Variants in ADRA1A observed in about 807,000 individuals in gnomAD.
The protein encoded by ADRA1A is adrenoceptor alpha 1A, also known as alpha-1A adrenergic receptor.
In ADRA1A, 31 loss-of-function variants were observed where a neutral mutation model predicts 29.6. The ratio of observed to expected loss-of-function variants is 1.05; its 90% CI spans 0.79 to 1.41. ADRA1A has a LOEUF of 1.41. Ranked by LOEUF, ADRA1A falls within the 40% of genes most tolerant of loss-of-function variation. The pLI is 0.00. For missense variants in ADRA1A, 619 were observed against 601.1 expected (o/e 1.03, Z -0.31); for synonymous variants, 311 against 254.3 (o/e 1.22, Z -2.12).
chr8:26,749,208 G>A (rs530497779), intron 2 of ADRA1A, among the ~76,000 whole-genome samples: 1 of 152,134 alleles, frequency 6.6e-6, no homozygotes, highest in Non-Finnish European at 1.5e-5. Context: ...ACTTTCCAAA[G>A]GACAGGAGAC....
chr8:26,772,602 A>C (rs1806254418), intron 2 of ADRA1A, among the ~76,000 whole-genome samples: 2 of 152,274 alleles, frequency 1.3e-5, no homozygotes, highest in South Asian at 4.1e-4. Context: ...CTGTTGTTTC[A>C]AACCTAAGGT....
At chr8:26,757,921 C>T (rs1805282425) in intron 2 of ADRA1A, among the ~76,000 whole-genome samples, 1 of 152,140 alleles carries the variant, frequency 6.6e-6, no homozygotes, top group South Asian at 2.1e-4. Flanking sequence ...TAGCATCTTT[C>T]ATAGGACAAC....
intron 2 of ADRA1A, among the ~76,000 whole-genome samples, chr8:26,795,059 G>A (rs1808101928): frequency 6.6e-6 from 1 of 151,878 alleles, no homozygotes; most frequent in African/African-American, 2.4e-5. Flanking sequence ...CAATGATCAG[G>A]GCAGTTGCAA....
chr8:26,774,083 T>A (rs1806367468), intron 2 of ADRA1A, among the ~76,000 whole-genome samples: 2 of 152,252 alleles, frequency 1.3e-5, no homozygotes, highest in South Asian at 4.1e-4. Flanking sequence ...TTTTGGCTTA[T>A]GCTTCCAGAC....
At position 26,831,130 on chromosome 8, in the gene ADRA1A, C is replaced by A. The variant is rs942189446; in HGVS notation, c.883+32957G>T. On this transcript the variant is annotated intron_variant, in intron 2 of 2. Transcript: ENST00000380573. This position sits in a 1 kb window ranked among gnomAD's most constrained non-coding sequence, Gnocchi z 5.2. ...TGGAGCTGTAACCTAATCACATATCCTTGGCAGCAAAGGCAAGATCCCCTG... is the reference window on the plus strand; with the variant it reads ...TGGAGCTGTAACCTAATCACATATCATTGGCAGCAAAGGCAAGATCCCCTG... Among the ~76,000 whole-genome samples the A allele has an allele frequency of 6.6e-6, 1 of 152,138 alleles. No homozygotes were observed. Among genetic ancestry groups the A allele is most frequent in the African/African-American group, 2.4e-5 (1 of 41,418 alleles).
intron 2 of ADRA1A, among the ~76,000 whole-genome samples, chr8:26,759,800 A>G (rs536964764): frequency 6.6e-6 from 1 of 152,246 alleles, no homozygotes; most frequent in Non-Finnish European, 1.5e-5. Context: ...AAGATAAATC[A>G]ATAAGCCATT....
At chr8:26,855,753 A>G (rs536746574) in intron 2 of ADRA1A, among the ~76,000 whole-genome samples, 1 of 152,364 alleles carries the variant, frequency 6.6e-6, no homozygotes, top group Admixed American at 6.5e-5. Context: ...AAAAATAAGA[A>G]AAGAAAAGAA....
chr8:26,759,924 G>A (rs532610257), intron 2 of ADRA1A, among the ~76,000 whole-genome samples: 1 of 152,286 alleles, frequency 6.6e-6, no homozygotes, highest in Admixed American at 6.5e-5. Context: ...AGATTGGACT[G>A]AAGCTGGTGC....
chr8:26,794,646 T>C (rs1271917938), intron 2 of ADRA1A, among the ~76,000 whole-genome samples: 1 of 152,132 alleles, frequency 6.6e-6, no homozygotes, highest in Non-Finnish European at 1.5e-5. Context: ...TTGTTAAAAA[T>C]TATTTAAAAA....
rs1010182914 is a variant in ADRA1A, at chr8:26,768,813, C to T, written c.*1336G>A. ...AGAAAAGAGATACACAAGTTCTGTA[C>T]TGAGTTATTATGGTTTACCAAAATT... On this transcript the variant is annotated 3_prime_UTR_variant, in exon 3 of 3. Transcript: ENST00000380573. 6 of 756,578 alleles carry T rather than the reference C, an allele frequency of 7.9e-6. No individual in the cohort carries two copies. The highest frequency in any genetic ancestry group is 8.0e-6 in the Non-Finnish European group (5 of 621,776). 46.9% of individuals were successfully genotyped at this position (756,578 alleles called of 1,614,324 possible). A position where few individuals can be genotyped will look rare whatever the true frequency, so the allele number is the denominator to read the frequency against.
At chr8:26,812,888 G>A (rs552549917) in intron 2 of ADRA1A, among the ~76,000 whole-genome samples, 8 of 151,946 alleles carry the variant, frequency 5.3e-5, no homozygotes, top group East Asian at 3.9e-4. Flanking sequence ...GGATGGTCTC[G>A]ATCTCCTGAC....
In ADRA1A at chr8:26,823,003, C is replaced by A. The variant is rs1284038552; in HGVS notation, c.883+41084G>T. Among the ~76,000 whole-genome samples the A allele has an allele frequency of 6.6e-6, 1 of 152,202 alleles. No homozygotes were observed. Among genetic ancestry groups the A allele is most frequent in the African/African-American group, 2.4e-5 (1 of 41,442 alleles). On this transcript the variant is annotated intron_variant, in intron 2 of 2. Transcript: ENST00000380573. The surrounding 1 kb of genome is among the most constrained non-coding windows in gnomAD (Gnocchi z 4.2). ...GAGTCAGTCACCTCCCACCAGGCCC[C>A]ACTTCCAGCATTAGGGATTACAATT...
chr8:26,770,711 C>T, intron 2 of ADRA1A, 45 bp from the exon 3 acceptor site: 1 of 1,541,318 alleles, frequency 6.5e-7, no homozygotes, highest in Non-Finnish European at 8.7e-7. Context: ...TGAAAGCCAG[C>T]AAGCCAATTG....
chr8:26,764,187 C>T (rs183116454), downstream of ADRA1A, among the ~76,000 whole-genome samples: 220 of 152,252 alleles, frequency 1.4e-3, 2 homozygotes, highest in Admixed American at 2.2e-3. Flanking sequence ...ACAGGCTGAC[C>T]GGGAAAAGAA....
chr8:26,857,427 G>C (rs534289324), intron 2 of ADRA1A, among the ~76,000 whole-genome samples: 72 of 152,100 alleles, frequency 4.7e-4, no homozygotes, highest in Non-Finnish European at 9.3e-4. Context: ...AATGTTTTGG[G>C]AGGCTAAAGA....
At chr8:26,753,446 T>C (rs1805010194), downstream of ADRA1A, among the ~76,000 whole-genome samples, 3 of 63,578 alleles carry the variant, frequency 4.7e-5, no homozygotes. Flanking sequence ...GCAGTATACT[T>C]TCTATTTTTT....
intron 2 of ADRA1A, among the ~76,000 whole-genome samples, chr8:26,845,279 A>G (rs1317581309): frequency 6.6e-6 from 1 of 152,226 alleles, no homozygotes; most frequent in Non-Finnish European, 1.5e-5. Context: ...TGGGCAAAGG[A>G]TGTGAATAGA....
chr8:26,850,024 G>GAAAAAAAAAAAAAAAAAAAAAA (rs1563306314), intron 2 of ADRA1A, among the ~76,000 whole-genome samples: 1 of 20,800 alleles, frequency 4.8e-5, no homozygotes, highest in Non-Finnish European at 1.1e-4. Context: ...AGAGAGAAAT[G>GAAAAAAAAAAAAAAAAAAAAAA]CAAAAACAAA....
intron 2 of ADRA1A, among the ~76,000 whole-genome samples, chr8:26,837,424 G>A (rs2128055): frequency 0.24 from 36,414 of 151,980 alleles, 4,798 homozygotes; most frequent in East Asian, 0.44. Context: ...GCTGAGGAGG[G>A]CAGATCACTT....
Sources: gnomAD v4.1 joint callset for allele counts (sites outside exome capture counted in the v4.1 genomes callset) on GRCh38, gnomAD v4.1.1 for gene constraint, Gnocchi (gnomAD v3.1) non-coding constraint, MANE v1.5 for transcripts, NCBI Gene and HGNC (gene_info 2026-07-23, HGNC 2026-07-21) for gene names.